The following VWA8 variants were observed in gnomAD, a reference collection of about 807,000 sequenced individuals.
VWA8 encodes the protein von Willebrand factor A domain containing 8.
Under a neutral mutation model 241.5 loss-of-function variants are expected in VWA8, and 221 were observed. The observed-to-expected ratio is 0.91, with a 90% CI of 0.82 to 1.02. The LOEUF (loss-of-function observed/expected upper bound fraction) is 1.02, where lower values mean the gene tolerates loss of function less well. Among genes scored for constraint, VWA8 ranks in the 50% least tolerant of loss-of-function variants. The probability of loss-of-function intolerance (pLI) is 0.00; values close to 1 mark genes in which losing one functional copy is unlikely to be tolerated. For synonymous variants in VWA8, 852 were observed against 827.1 expected, an observed-to-expected ratio of 1.03 and a Z score of -0.52; for missense variants, 2,322 against 2,328.7, an observed-to-expected ratio of 1.00 and a Z score of 0.06.
intron 2 of VWA8, among the ~76,000 whole-genome samples, chr13:41,942,543 G>C (rs1394249460): frequency 6.6e-6 from 1 of 152,122 alleles, no homozygotes; most frequent in Non-Finnish European, 1.5e-5. Flanking sequence ...AACTTATGAT[G>C]GCCACGCATG....
At chr13:41,679,699 G>T (rs935805463) in intron 35 of VWA8, among the ~76,000 whole-genome samples, 1 of 152,116 alleles carries the variant, frequency 6.6e-6, no homozygotes, top group Non-Finnish European at 1.5e-5. Flanking sequence ...ATAAAAGGCT[G>T]ATATACATTA....
At chr13:41,829,187 T>C (rs561713447) in intron 14 of VWA8, among the ~76,000 whole-genome samples, 1 of 152,088 alleles carries the variant, frequency 6.6e-6, no homozygotes, top group Non-Finnish European at 1.5e-5. Context: ...AAAACCACAA[T>C]GAGATACCAC....
intron 20 of VWA8, among the ~76,000 whole-genome samples, chr13:41,763,258 C>T (rs1347061014): frequency 1.3e-5 from 2 of 151,644 alleles, no homozygotes; most frequent in African/African-American, 2.4e-5. Context: ...CACTACATTA[C>T]AGCCTGGTGA....
At chr13:41,769,040 C>T (rs2045799808) in intron 20 of VWA8, among the ~76,000 whole-genome samples, 2 of 151,918 alleles carry the variant, frequency 1.3e-5, no homozygotes, top group Admixed American at 1.3e-4. Context: ...GTAGCTGGGA[C>T]TACAGGTGCA....
intron 21 of VWA8, among the ~76,000 whole-genome samples, chr13:41,747,361 C>T (rs547544719): frequency 6.0e-4 from 92 of 152,192 alleles, no homozygotes; most frequent in African/African-American, 1.8e-3. Context: ...TTTGAAGCAA[C>T]TGTGAATGGG....
intron 16 of VWA8, among the ~76,000 whole-genome samples, chr13:41,815,883 G>A (rs981602856): frequency 2.6e-5 from 4 of 152,150 alleles, no homozygotes; most frequent in Non-Finnish European, 5.9e-5. Flanking sequence ...ATAGATAAGA[G>A]AACAGATGAG....
At chr13:41,603,762 A>G (rs2044536683) in intron 40 of VWA8, among the ~76,000 whole-genome samples, 1 of 152,096 alleles carries the variant, frequency 6.6e-6, no homozygotes, top group Non-Finnish European at 1.5e-5. Context: ...GTGCTCTCCT[A>G]TACCTCTGTG....
At chr13:41,925,635 G>A in intron 2 of VWA8, 1 of 170,118 alleles carries the variant, frequency 5.9e-6, no homozygotes, top group Non-Finnish European at 1.3e-5. Flanking sequence ...AAAGTGGATG[G>A]CAGCAAGCCA....
chr13:41,959,720 G>A (rs1363176209), intron 1 of VWA8, among the ~76,000 whole-genome samples: 1 of 144,524 alleles, frequency 6.9e-6, no homozygotes, highest in Non-Finnish European at 1.5e-5. Flanking sequence ...TTCTGCCTCA[G>A]CCTCCGGAGT....
intron 16 of VWA8, 82 bp downstream of exon 16, chr13:41,816,616 G>C (rs1870705364): frequency 7.5e-7 from 1 of 1,337,750 alleles, no homozygotes; most frequent in African/African-American, 1.5e-5. Flanking sequence ...TTAAAAAATA[G>C]ATTTTAAGTA....
chr13:41,784,737 C>CATATATATATATATATATAT (rs772223346), intron 18 of VWA8, among the ~76,000 whole-genome samples: 3 of 72,576 alleles, frequency 4.1e-5, no homozygotes, highest in South Asian at 5.7e-4. Context: ...TATACACACA[C>CATATATATATATATATATAT]ATATATATAT....
At chr13:41,921,416 C>T (rs1268472217) in intron 2 of VWA8, among the ~76,000 whole-genome samples, 11 of 152,124 alleles carry the variant, frequency 7.2e-5, no homozygotes, top group African/African-American at 1.7e-4. Context: ...CTATTCAACA[C>T]AGTGTTGGAA....
chr13:41,723,213 TG>T (rs758213039), intron 24 of VWA8, among the ~76,000 whole-genome samples: 9 of 152,348 alleles, frequency 5.9e-5, no homozygotes, highest in Non-Finnish European at 1.2e-4. Context: ...ACCTAAGCTC[TG>T]GGTTCCTCTT....
chr13:41,822,595 A>G (rs1299689469), intron 14 of VWA8, among the ~76,000 whole-genome samples: 1 of 152,206 alleles, frequency 6.6e-6, no homozygotes, highest in African/African-American at 2.4e-5. Context: ...GGGAAGGACA[A>G]ACAAAGGTAA....
intron 8 of VWA8, 73 bp downstream of exon 8, chr13:41,885,847 T>C: frequency 9.3e-7 from 1 of 1,073,816 alleles, no homozygotes; most frequent in Non-Finnish European, 1.3e-6. Flanking sequence ...ACTGAAGTCA[T>C]TAATCCCTAA....
chr13:41,643,784 G>GAGCCA (rs2044812561), intron 37 of VWA8, among the ~76,000 whole-genome samples: 1 of 151,952 alleles, frequency 6.6e-6, no homozygotes, highest in Admixed American at 6.6e-5. Context: ...GTAGCCAAAA[G>GAGCCA]AAAGCAGCTC....
At chr13:41,750,844 A>G (rs2045650510) in intron 21 of VWA8, among the ~76,000 whole-genome samples, 2 of 152,000 alleles carry the variant, frequency 1.3e-5, no homozygotes, top group African/African-American at 4.8e-5. Context: ...ACACTGTTGA[A>G]ATGACAACAA....
intron 2 of VWA8, among the ~76,000 whole-genome samples, chr13:41,919,016 G>A (rs1358842002): frequency 6.6e-6 from 1 of 152,084 alleles, no homozygotes; most frequent in Non-Finnish European, 1.5e-5. Context: ...TCAGTAAGAT[G>A]GCTGACTTGA....
At chr13:41,666,937 T>C (rs79474709) in intron 37 of VWA8, among the ~76,000 whole-genome samples, 6,808 of 152,168 alleles carry the variant, frequency 0.045, 180 homozygotes, top group East Asian at 0.12. Context: ...CAAAGACACA[T>C]GTACATATAA....
Sources: gnomAD v4.1 joint callset for allele counts (sites outside exome capture counted in the v4.1 genomes callset) on GRCh38, gnomAD v4.1.1 for gene constraint, MANE v1.5 for transcripts, NCBI Gene and HGNC (gene_info 2026-07-23, HGNC 2026-07-21) for gene names.